Variants in HTR7 observed in about 807,000 individuals in gnomAD.
The protein encoded by HTR7 is 5-HT-7.
HTR7 carries 16 observed loss-of-function variants against 34.0 expected under a neutral mutation model. The ratio of observed to expected loss-of-function variants is 0.47; its 90% CI spans 0.32 to 0.71. The LOEUF (loss-of-function observed/expected upper bound fraction) is 0.71, where lower values mean the gene tolerates loss of function less well. Among genes scored for constraint, HTR7 ranks in the 30% least tolerant of loss-of-function variants. The pLI is 0.04. For synonymous variants in HTR7, 265 were observed against 260.2 expected, an observed-to-expected ratio of 1.02 and a Z score of -0.18; for missense variants, 504 against 625.5, an observed-to-expected ratio of 0.81 and a Z score of 2.07.
intron 1 of HTR7, among the ~76,000 whole-genome samples, chr10:90,791,434 A>C (rs1845458135): frequency 6.6e-6 from 1 of 152,108 alleles, no homozygotes. Context: ...CACATTGAAC[A>C]CTGAACAGAA....
chr10:90,764,491 G>T (rs182756246), intron 1 of HTR7, among the ~76,000 whole-genome samples: 143 of 152,140 alleles, frequency 9.4e-4, no homozygotes, highest in African/African-American at 3.3e-3. Context: ...TGTTGCTTTT[G>T]TATCTCACAA....
intron 1 of HTR7, among the ~76,000 whole-genome samples, chr10:90,754,030 T>C (rs1055772403): frequency 6.6e-6 from 1 of 152,064 alleles, no homozygotes; most frequent in Non-Finnish European, 1.5e-5. Flanking sequence ...CTCTATATTT[T>C]CTATGCTTGA....
rs1844681296 is a variant in HTR7 at position 90,748,863 on chromosome 10, C to T, written c.1271G>A (p.Arg424Lys). 1 of 1,613,778 alleles carries T rather than the reference C, an allele frequency of 6.2e-7. No homozygotes were observed. The highest frequency in any genetic ancestry group is 1.7e-4 in the Middle Eastern group (1 of 6,058). ...CAGCACAAACTCAGGTCTCTCTGGC[C>T]TCTCAGCAAGCTTCAGGGCTTCATG... Reference protein sequence around the residue: ...GMHEALKLAERPERPEFVLRA... With the variant: ...GMHEALKLAEKPERPEFVLRA... The change falls in exon 2 of 4, where the codon AGG becomes AAG. Residue 424 changes from arginine to lysine, a missense_variant. Transcript: ENST00000336152.
At chr10:90,775,072 A>G (rs1845184880) in intron 1 of HTR7, among the ~76,000 whole-genome samples, 1 of 152,174 alleles carries the variant, frequency 6.6e-6, no homozygotes, top group African/African-American at 2.4e-5. Context: ...AATTAAAGTT[A>G]CCCATACTCT....
chr10:90,789,574 T>C (rs1481322626), intron 1 of HTR7, among the ~76,000 whole-genome samples: 2 of 152,194 alleles, frequency 1.3e-5, no homozygotes, highest in Non-Finnish European at 2.9e-5. Flanking sequence ...TGTTAGCAAA[T>C]GTACTGCTGA....
Position 90,740,966 on chromosome 10 carries a change from T to A in HTR7, c.*1516A>T, listed in dbSNP as rs2119648334. On this transcript the variant is annotated 3_prime_UTR_variant, in exon 4 of 4. Transcript: ENST00000336152. ...TATGAATATAATATATACGGTCACT[T>A]CAGCAAATTTGCGGTTCAGGAATTT... The A allele has an allele frequency of 6.6e-6, 1 of 152,612 alleles. No homozygotes were observed. The highest frequency in any genetic ancestry group is 1.9e-4 in the East Asian group (1 of 5,172). The allele number at this position is 152,612 out of a possible 1,614,324, so 9.5% of individuals were successfully genotyped here.
intron 1 of HTR7, among the ~76,000 whole-genome samples, chr10:90,785,212 T>C (rs947885208): frequency 5.3e-5 from 8 of 152,184 alleles, no homozygotes; most frequent in African/African-American, 1.9e-4. Flanking sequence ...ATGGTTGATA[T>C]GACATAAGCA....
chr10:90,831,541 A>T (rs1262770673), intron 1 of HTR7, among the ~76,000 whole-genome samples: 1 of 151,872 alleles, frequency 6.6e-6, no homozygotes, highest in Non-Finnish European at 1.5e-5. Context: ...AGCAAAACAC[A>T]TTGCTTCCAA....
intron 1 of HTR7, among the ~76,000 whole-genome samples, chr10:90,821,977 C>G (rs1167956753): frequency 1.3e-5 from 2 of 152,148 alleles, no homozygotes; most frequent in African/African-American, 4.8e-5. Flanking sequence ...AACTGTGAGT[C>G]AATTAAACCT....
At chr10:90,772,245 C>T (rs548316068) in intron 1 of HTR7, among the ~76,000 whole-genome samples, 2 of 152,162 alleles carry the variant, frequency 1.3e-5, no homozygotes, top group African/African-American at 4.8e-5. Flanking sequence ...ATCTTTCATT[C>T]TAATCCTTTA....
intron 1 of HTR7, among the ~76,000 whole-genome samples, chr10:90,808,089 A>G (rs900628022): frequency 5.9e-5 from 9 of 152,300 alleles, no homozygotes; most frequent in African/African-American, 1.9e-4. Flanking sequence ...TTGGTGTTTA[A>G]TAATTGCAGA....
At chr10:90,753,335 C>T (rs1209404278) in intron 1 of HTR7, among the ~76,000 whole-genome samples, 2 of 151,994 alleles carry the variant, frequency 1.3e-5, no homozygotes, top group South Asian at 2.1e-4. Context: ...AGTTTCAGAC[C>T]AGCCTGAGCA....
At chr10:90,856,905 C>A (rs1169263934) in intron 1 of HTR7, among the ~76,000 whole-genome samples, 1 of 152,232 alleles carries the variant, frequency 6.6e-6, no homozygotes, top group Non-Finnish European at 1.5e-5. Flanking sequence ...AAATTCGTCA[C>A]TACAGTAAAC....
At chr10:90,791,160 T>C (rs1332952183) in intron 1 of HTR7, among the ~76,000 whole-genome samples, 1 of 152,084 alleles carries the variant, frequency 6.6e-6, no homozygotes. Context: ...GTAACTGTTA[T>C]AATTTCTAGG....
chr10:90,782,082 T>C (rs1464511052), intron 1 of HTR7, among the ~76,000 whole-genome samples: 3 of 152,190 alleles, frequency 2.0e-5, no homozygotes, highest in Middle Eastern at 3.2e-3. Flanking sequence ...ACATCACAAA[T>C]ACAGGTGAGA....
chr10:90,812,898 C>G (rs1177003892), intron 1 of HTR7, among the ~76,000 whole-genome samples: 1 of 152,192 alleles, frequency 6.6e-6, no homozygotes, highest in African/African-American at 2.4e-5. Context: ...TGAAGAATCA[C>G]AAAAGAAGTG....
At chr10:90,790,498 A>C (rs1259516110) in intron 1 of HTR7, among the ~76,000 whole-genome samples, 2 of 152,198 alleles carry the variant, frequency 1.3e-5, no homozygotes, top group Non-Finnish European at 2.9e-5. Context: ...CCACTCAATT[A>C]AGTGACAGGA....
intron 1 of HTR7, among the ~76,000 whole-genome samples, chr10:90,759,002 A>C (rs1844885096): frequency 6.6e-6 from 1 of 151,946 alleles, no homozygotes; most frequent in South Asian, 2.1e-4. Flanking sequence ...AGCCTGACCA[A>C]CATGGAGAAA....
chr10:90,803,718 C>A (rs955761353), intron 1 of HTR7, among the ~76,000 whole-genome samples: 1 of 152,292 alleles, frequency 6.6e-6, no homozygotes, highest in Admixed American at 6.5e-5. Flanking sequence ...CTGGTCATGT[C>A]TGACTACCTA....
Sources: allele counts gnomAD v4.1 joint callset (sites outside exome capture counted in the v4.1 genomes callset), GRCh38; gene constraint gnomAD v4.1.1; transcripts MANE v1.5; gene names NCBI Gene and HGNC (gene_info 2026-07-23, HGNC 2026-07-21).